Variants in MIPEP observed in about 807,000 individuals in gnomAD.
The protein encoded by MIPEP is mitochondrial intermediate peptidase.
MIPEP carries 79 observed loss-of-function variants against 90.3 expected under a neutral mutation model. The ratio of observed to expected loss-of-function variants is 0.87; its 90% CI spans 0.73 to 1.05. The LOEUF (loss-of-function observed/expected upper bound fraction) is 1.05, where lower values mean the gene tolerates loss of function less well. MIPEP is among the 50% of genes least tolerant of loss of function. MIPEP has a pLI of 0.00. For missense variants in MIPEP, 940 were observed against 905.6 expected (o/e 1.04, Z -0.49); for synonymous variants, 334 against 315.8 (o/e 1.06, Z -0.61).
intron 7 of MIPEP, among the ~76,000 whole-genome samples, chr13:23,865,388 T>C (rs959050174): frequency 6.6e-6 from 1 of 152,224 alleles, no homozygotes; most frequent in Non-Finnish European, 1.5e-5. Flanking sequence ...AACCATGAGG[T>C]TTCTTGCCAC....
chr13:23,747,572 T>C (rs12866705), intron 18 of MIPEP: 94,273 of 509,718 alleles, frequency 0.18, 10,034 homozygotes, highest in Non-Finnish European at 0.23. Context: ...GCTGAGAGAC[T>C]GAACAAGTGT....
chr13:23,838,947 C>G (rs946451562), intron 12 of MIPEP, among the ~76,000 whole-genome samples: 1 of 152,258 alleles, frequency 6.6e-6, no homozygotes, highest in Non-Finnish European at 1.5e-5. Context: ...CTGTTAAAAT[C>G]TGTGCTTTGG....
In MIPEP at chr13:23,850,640, C is replaced by T. The variant is rs141640648; in HGVS notation, c.1106+8220G>A. ...GGATTAGGAAAGTAAACCAGTAGGC[C>T]TGACTTCAGTGAGAGATGACACCAC... On this transcript the variant is annotated intron_variant, in intron 10 of 18. Transcript: ENST00000382172. 2.2e-3 allele frequency among the ~76,000 whole-genome samples: 333 copies of T among 152,330 alleles called. 2 individuals are homozygous for T. The highest frequency in any genetic ancestry group is 7.2e-3 in the African/African-American group (298 of 41,580).
chr13:23,845,662 C>T (rs1027716776), intron 10 of MIPEP, among the ~76,000 whole-genome samples: 8 of 152,096 alleles, frequency 5.3e-5, no homozygotes, highest in Non-Finnish European at 1.2e-4. Context: ...AGTACAAGAT[C>T]TTAAGTTTTT....
At chr13:23,868,720 T>TTATGTACATTTATA (rs1566023297) in intron 7 of MIPEP, among the ~76,000 whole-genome samples, 2 of 152,194 alleles carry the variant, frequency 1.3e-5, no homozygotes, top group Non-Finnish European at 2.9e-5. Flanking sequence ...AAAAAACGTA[T>TTATGTACATTTATA]TATGTACATT....
chr13:23,747,930 G>A (rs1005192527), intron 18 of MIPEP, among the ~76,000 whole-genome samples: 3 of 152,186 alleles, frequency 2.0e-5, no homozygotes, highest in African/African-American at 7.2e-5. Flanking sequence ...TAGTAGAGAA[G>A]GAGTTTCACT....
chr13:23,833,479 T>C (rs1464936854), intron 14 of MIPEP, among the ~76,000 whole-genome samples: 3 of 152,222 alleles, frequency 2.0e-5, no homozygotes, highest in African/African-American at 2.4e-5. Context: ...TAGTGCTTTC[T>C]TCCTATCTCA....
chr13:23,872,049 A>G (rs1870833734), intron 5 of MIPEP, among the ~76,000 whole-genome samples: 1 of 152,266 alleles, frequency 6.6e-6, no homozygotes, highest in South Asian at 2.1e-4. Context: ...TGTGGTAACA[A>G]TGAAATGTAC....
chr13:23,735,144 G>A lies in MIPEP; in HGVS notation c.2045-4699C>T, dbSNP rs145068846. Among the ~76,000 whole-genome samples the A allele has an allele frequency of 2.7e-3, 416 of 152,234 alleles. 4 individuals are homozygous for A. Among genetic ancestry groups the A allele is most frequent in the African/African-American group, 9.5e-3 (395 of 41,534 alleles). The stretch of plus-strand genomic sequence containing the variant: ...AGAGCCAGCTTTTCCTGCGGGCTAC[G>A]TGAATGACATGCCTAGTCAAACCAA... On this transcript the variant is annotated intron_variant, in intron 18 of 18. Coordinates refer to ENST00000382172, the MANE Select transcript of MIPEP (RefSeq NM_005932.4).
At chr13:23,788,836 C>T (rs1952873809) in intron 16 of MIPEP, among the ~76,000 whole-genome samples, 1 of 152,150 alleles carries the variant, frequency 6.6e-6, no homozygotes, top group South Asian at 2.1e-4. Context: ...TATGTAAACT[C>T]TTCAGGTTCT....
At chr13:23,846,765 T>C (rs1251938840) in intron 10 of MIPEP, among the ~76,000 whole-genome samples, 1 of 152,204 alleles carries the variant, frequency 6.6e-6, no homozygotes, top group African/African-American at 2.4e-5. Context: ...TGACCTGTAT[T>C]GCAAATATGT....
intron 16 of MIPEP, among the ~76,000 whole-genome samples, chr13:23,785,704 A>G (rs757140524): frequency 3.0e-4 from 45 of 152,070 alleles, no homozygotes; most frequent in Non-Finnish European, 4.9e-4. Flanking sequence ...TAAGAAGAAC[A>G]TATATGATAG....
chr13:23,783,444 C>T (rs1374999305), intron 16 of MIPEP, among the ~76,000 whole-genome samples: 1 of 152,132 alleles, frequency 6.6e-6, no homozygotes, highest in Non-Finnish European at 1.5e-5. Context: ...ATTGATGGGA[C>T]ATATCTCAAA....
At chr13:23,784,614 C>T (rs1952817484) in intron 16 of MIPEP, among the ~76,000 whole-genome samples, 2 of 152,242 alleles carry the variant, frequency 1.3e-5, no homozygotes, top group African/African-American at 2.4e-5. Flanking sequence ...AAAGCAATGG[C>T]AACAAAAGCC....
At chr13:23,846,314 TAAGG>T (rs1383362495) in intron 10 of MIPEP, among the ~76,000 whole-genome samples, 2 of 152,120 alleles carry the variant, frequency 1.3e-5, no homozygotes, top group African/African-American at 4.8e-5. Context: ...CTATTAGTAG[TAAGG>T]AAGAAGAGGA....
At chr13:23,878,878 C>A (rs1871172113) in intron 4 of MIPEP, among the ~76,000 whole-genome samples, 1 of 152,118 alleles carries the variant, frequency 6.6e-6, no homozygotes, top group Admixed American at 6.5e-5. Context: ...CTACAGGAGT[C>A]CACTCATTAG....
intron 16 of MIPEP, among the ~76,000 whole-genome samples, chr13:23,771,530 T>TACACAC (rs3077653): frequency 0.024 from 3,575 of 146,018 alleles, 46 homozygotes; most frequent in Middle Eastern, 0.046. Context: ...ATTTGCTGAC[T>TACACAC]ACACACACAC....
intron 5 of MIPEP, among the ~76,000 whole-genome samples, 200 bp downstream of exon 5, chr13:23,874,646 T>C (rs750247758): frequency 6.6e-6 from 1 of 152,222 alleles, no homozygotes; most frequent in Non-Finnish European, 1.5e-5. Flanking sequence ...AATTCTGAAT[T>C]ATCATGGTGT....
At chr13:23,868,912 T>C (rs1420748442) in intron 7 of MIPEP, among the ~76,000 whole-genome samples, 3 of 152,204 alleles carry the variant, frequency 2.0e-5, no homozygotes, top group Admixed American at 1.3e-4. Flanking sequence ...GTGTTTTTTA[T>C]ATGACCTAAC....
Sources: allele counts gnomAD v4.1 joint callset (sites outside exome capture counted in the v4.1 genomes callset), GRCh38; gene constraint gnomAD v4.1.1; transcripts MANE v1.5; gene names NCBI Gene and HGNC (gene_info 2026-07-23, HGNC 2026-07-21).